Variants in TAFA1 observed in about 807,000 individuals in gnomAD.
TAFA1 encodes TAFA chemokine like family member 1.
In TAFA1, 4 loss-of-function variants were observed where a neutral mutation model predicts 18.5. The ratio of observed to expected loss-of-function variants is 0.22; its 90% CI spans 0.11 to 0.49. The LOEUF is 0.49. TAFA1 is among the 20% of genes least tolerant of loss of function. The pLI is 0.98. For synonymous variants in TAFA1, 56 were observed against 55.2 expected (o/e 1.01, Z -0.06); for missense variants, 147 against 169.0 (o/e 0.87, Z 0.72).
chr3:68,233,948 G>C (rs1360312406), intron 2 of TAFA1, among the ~76,000 whole-genome samples: 1 of 152,082 alleles, frequency 6.6e-6, no homozygotes. Context: ...GGAAATATGA[G>C]GAAGAAGAAA....
At chr3:68,338,200 C>T (rs903210078) in intron 2 of TAFA1, among the ~76,000 whole-genome samples, 1 of 152,044 alleles carries the variant, frequency 6.6e-6, no homozygotes, top group Non-Finnish European at 1.5e-5. Flanking sequence ...GGAACTCATC[C>T]ATCACATTTT....
At chr3:68,295,077 C>T (rs1266595961) in intron 2 of TAFA1, among the ~76,000 whole-genome samples, 1 of 152,094 alleles carries the variant, frequency 6.6e-6, no homozygotes, top group Non-Finnish European at 1.5e-5. Flanking sequence ...CTCTAAGCCT[C>T]AGTTTTGTCC....
chr3:68,095,379 T>C (rs2065076108), intron 2 of TAFA1, among the ~76,000 whole-genome samples: 1 of 152,176 alleles, frequency 6.6e-6, no homozygotes, highest in South Asian at 2.1e-4. Flanking sequence ...ATACCCTTGC[T>C]TCGTGCTATT....
At chr3:68,406,564 G>C (rs560643487) in intron 2 of TAFA1, among the ~76,000 whole-genome samples, 1 of 152,092 alleles carries the variant, frequency 6.6e-6, no homozygotes, top group East Asian at 1.9e-4. Flanking sequence ...GCCCCACTTT[G>C]AGGAAGAAAC....
At chr3:68,022,840 TATTATATA>T (rs1704723629) in intron 2 of TAFA1, among the ~76,000 whole-genome samples, 1 of 23,544 alleles carries the variant, frequency 4.2e-5, no homozygotes. Context: ...AATATATATA[TATTATATA>T]TATATATATA....
At chr3:68,171,739 A>G (rs1173276531) in intron 2 of TAFA1, among the ~76,000 whole-genome samples, 1 of 152,234 alleles carries the variant, frequency 6.6e-6, no homozygotes, top group Non-Finnish European at 1.5e-5. Context: ...CAAATTGTCA[A>G]TAAAGAGACA....
chr3:68,175,095 C>G (rs1318271409), intron 2 of TAFA1, among the ~76,000 whole-genome samples: 1 of 152,214 alleles, frequency 6.6e-6, no homozygotes, highest in Non-Finnish European at 1.5e-5. Context: ...GTACAGAAAT[C>G]AAGAATGAAG....
chr3:68,132,784 T>A (rs993676981), intron 2 of TAFA1, among the ~76,000 whole-genome samples: 3 of 152,246 alleles, frequency 2.0e-5, no homozygotes, highest in Non-Finnish European at 2.9e-5. Context: ...TAGCCCTTTT[T>A]CTGATGGATA....
intron 3 of TAFA1, among the ~76,000 whole-genome samples, chr3:68,419,594 T>C (rs1667303216): frequency 6.6e-6 from 1 of 152,162 alleles, no homozygotes; most frequent in South Asian, 2.1e-4. Context: ...AATCCTTTAT[T>C]TAAGAAATCA....
At chr3:68,322,976 C>G (rs2068718127) in intron 2 of TAFA1, among the ~76,000 whole-genome samples, 1 of 152,052 alleles carries the variant, frequency 6.6e-6, no homozygotes, top group East Asian at 1.9e-4. Flanking sequence ...AGTACCAGGA[C>G]ACTCCCAGTA....
At chr3:68,500,763 C>T (rs916951874) in intron 3 of TAFA1, among the ~76,000 whole-genome samples, 2 of 151,778 alleles carry the variant, frequency 1.3e-5, no homozygotes, top group Admixed American at 1.3e-4. Context: ...CAGAAGATCA[C>T]GATTTATGAT....
chr3:68,423,103 G>T (rs918901636), intron 3 of TAFA1, among the ~76,000 whole-genome samples: 3 of 151,950 alleles, frequency 2.0e-5, no homozygotes, highest in Admixed American at 2.0e-4. Flanking sequence ...TACGTTCTAT[G>T]ATTCTGATTA....
At chr3:68,152,418 G>A (rs1258308912) in intron 2 of TAFA1, among the ~76,000 whole-genome samples, 1 of 152,106 alleles carries the variant, frequency 6.6e-6, no homozygotes, top group African/African-American at 2.4e-5. Flanking sequence ...AGTAAACACA[G>A]TGATAGTGCT....
chr3:68,332,496 A>G (rs1259150624), intron 2 of TAFA1, among the ~76,000 whole-genome samples: 2 of 152,216 alleles, frequency 1.3e-5, no homozygotes, highest in Non-Finnish European at 2.9e-5. Context: ...GAGAGAAAAT[A>G]TTTGCAAACC....
chr3:68,473,332 T>C (rs1280820971), intron 3 of TAFA1, among the ~76,000 whole-genome samples: 1 of 152,136 alleles, frequency 6.6e-6, no homozygotes, highest in Non-Finnish European at 1.5e-5. Context: ...GGGAAGGGTA[T>C]GATGATTGAT....
intron 2 of TAFA1, among the ~76,000 whole-genome samples, chr3:68,201,652 T>C (rs2066471011): frequency 6.6e-6 from 1 of 151,726 alleles, no homozygotes; most frequent in African/African-American, 2.4e-5. Context: ...CTTGGTAACT[T>C]TCATGCATTG....
At chr3:68,047,646 T>C (rs1308149172) in intron 2 of TAFA1, among the ~76,000 whole-genome samples, 1 of 152,132 alleles carries the variant, frequency 6.6e-6, no homozygotes. Context: ...ACTCAAGTTA[T>C]TGTAAGTAAT....
intron 3 of TAFA1, among the ~76,000 whole-genome samples, chr3:68,492,925 C>T (rs1331372496): frequency 1.3e-5 from 2 of 152,076 alleles, no homozygotes; most frequent in Admixed American, 6.6e-5. Context: ...TTGGCTCCAT[C>T]CAAGATGTGC....
At chr3:68,392,092 A>C (rs976985312) in intron 2 of TAFA1, among the ~76,000 whole-genome samples, 5 of 151,092 alleles carry the variant, frequency 3.3e-5, no homozygotes. Context: ...AACACCCATC[A>C]GTGTGCTGTA....
Sources: gnomAD v4.1 joint callset for allele counts (sites outside exome capture counted in the v4.1 genomes callset) on GRCh38, gnomAD v4.1.1 for gene constraint, MANE v1.5 for transcripts, NCBI Gene and HGNC (gene_info 2026-07-23, HGNC 2026-07-21) for gene names.